MAPKAPK3: variants seen among roughly 807,000 people sequenced by gnomAD.
MAPKAPK3 encodes the protein MAPK activated protein kinase 3.
MAPKAPK3 carries 35 observed loss-of-function variants against 49.2 expected under a neutral mutation model. The ratio of observed to expected loss-of-function variants is 0.71; its 90% CI spans 0.54 to 0.94. MAPKAPK3 has a LOEUF of 0.94. Among genes scored for constraint, MAPKAPK3 ranks in the 40% least tolerant of loss-of-function variants. MAPKAPK3 has a pLI of 0.00. For synonymous variants in MAPKAPK3, 178 were observed against 188.7 expected (o/e 0.94, Z 0.46); for missense variants, 398 against 493.1 (o/e 0.81, Z 1.83).
intron 2 of MAPKAPK3, among the ~76,000 whole-genome samples, chr3:50,629,997 G>A (rs2032862827): frequency 6.6e-6 from 1 of 152,214 alleles, no homozygotes; most frequent in Non-Finnish European, 1.5e-5. Context: ...GGTGAGAAGT[G>A]GTCAGGTGGA....
chr3:50,640,274 A>G, intron 2 of MAPKAPK3, 92 bp from the exon 3 acceptor site: 3 of 1,249,358 alleles, frequency 2.4e-6, no homozygotes, highest in East Asian at 2.4e-5. Flanking sequence ...GACCTGGGGC[A>G]GGTCACAGGC....
chr3:50,615,419 GCATGTGTA>G (rs1351946661), upstream of MAPKAPK3, among the ~76,000 whole-genome samples: 2 of 152,236 alleles, frequency 1.3e-5, no homozygotes, highest in African/African-American at 4.8e-5. Context: ...AGGTGTGACT[GCATGTGTA>G]CATGTGTGAG....
intron 2 of MAPKAPK3, among the ~76,000 whole-genome samples, chr3:50,627,885 G>A (rs1172058742): frequency 6.6e-6 from 1 of 152,172 alleles, no homozygotes; most frequent in African/African-American, 2.4e-5. Context: ...CTACCCCTGG[G>A]AGGAGCCTGA....
intron 3 of MAPKAPK3, among the ~76,000 whole-genome samples, chr3:50,641,310 C>T (rs970785396): frequency 2.0e-5 from 3 of 152,142 alleles, no homozygotes; most frequent in Admixed American, 6.5e-5. Flanking sequence ...ACGTGGATCC[C>T]AGGGCATGGC....
chr3:50,643,849 T>C (rs1576014591), intron 5 of MAPKAPK3, among the ~76,000 whole-genome samples: 3 of 151,946 alleles, frequency 2.0e-5, no homozygotes, highest in African/African-American at 7.3e-5. Flanking sequence ...CTACCATTCA[T>C]TAAAAACCAG....
chr3:50,643,095 G>A (rs886745702), intron 5 of MAPKAPK3, among the ~76,000 whole-genome samples: 13 of 152,094 alleles, frequency 8.5e-5, no homozygotes, highest in Admixed American at 5.2e-4. Flanking sequence ...TAGGTAATCC[G>A]CCCGCCTCGG....
At chr3:50,622,493 T>G (rs545708718) in intron 2 of MAPKAPK3, among the ~76,000 whole-genome samples, 1 of 152,316 alleles carries the variant, frequency 6.6e-6, no homozygotes, top group Admixed American at 6.5e-5. Context: ...TACTCCCCTT[T>G]GATTCAAAGC....
At chr3:50,641,291 G>A (rs897079956) in intron 3 of MAPKAPK3, among the ~76,000 whole-genome samples, 4 of 152,158 alleles carry the variant, frequency 2.6e-5, no homozygotes, top group African/African-American at 4.8e-5. Context: ...ACACAACAGC[G>A]CTCATGAAAC....
upstream of MAPKAPK3, among the ~76,000 whole-genome samples, chr3:50,613,502 C>A (rs1479925964): frequency 6.6e-6 from 1 of 152,138 alleles, no homozygotes; most frequent in Non-Finnish European, 1.5e-5. Context: ...GGCTGGGATA[C>A]CTGGATAGCC....
intron 2 of MAPKAPK3, among the ~76,000 whole-genome samples, chr3:50,634,191 A>G: frequency 6.6e-6 from 1 of 152,202 alleles, no homozygotes; most frequent in East Asian, 1.9e-4. Flanking sequence ...CTCAAATTCA[A>G]TGCTTGTTGA....
intron 2 of MAPKAPK3, among the ~76,000 whole-genome samples, chr3:50,622,782 A>G (rs1295181567): frequency 1.3e-5 from 2 of 152,242 alleles, no homozygotes; most frequent in Non-Finnish European, 2.9e-5. Flanking sequence ...CCTGGGAGAA[A>G]GGAAATGCCC....
chr3:50,648,182 A>T lies in MAPKAPK3; in HGVS notation c.*136A>T. ...TGTTGTGTTTTAATTTGTCACTCGGAACTTCAGGATGGAGGACCCTGACCC... is the reference window on the plus strand; with the variant it reads ...TGTTGTGTTTTAATTTGTCACTCGGTACTTCAGGATGGAGGACCCTGACCC... On this transcript the variant is annotated 3_prime_UTR_variant, in exon 11 of 11. Coordinates refer to ENST00000621469, the MANE Select transcript of MAPKAPK3 (RefSeq NM_001243925.2). 1 of 960,346 alleles carries T rather than the reference A, an allele frequency of 1.0e-6. No individual in the cohort carries two copies. 59.5% of individuals were successfully genotyped at this position (960,346 alleles called of 1,614,324 possible). A position where few individuals can be genotyped will look rare whatever the true frequency, so the allele number is the denominator to read the frequency against.
rs2033349087 is a variant in MAPKAPK3 at position 50,648,112 on chromosome 3, T to C, written c.*66T>C. On this transcript the variant is annotated 3_prime_UTR_variant, in exon 11 of 11. Transcript: ENST00000621469. ...AACAGACTGAAATGTGCTCAGGCCC[T>C]GGCCAGGAGGGCCCAGGGTCATTCT... is the stretch of plus-strand genomic sequence containing the variant. 1 of 1,493,164 alleles carries C rather than the reference T, an allele frequency of 6.7e-7. No individual in the cohort carries two copies. The highest frequency in any genetic ancestry group is 9.1e-7 in the Non-Finnish European group (1 of 1,103,396). The allele number at this position is 1,493,164 out of a possible 1,614,324, so 92.5% of individuals were successfully genotyped here. A position where few individuals can be genotyped will look rare whatever the true frequency, so the allele number is the denominator to read the frequency against.
intron 5 of MAPKAPK3, 83 bp downstream of exon 5, chr3:50,642,415 C>G: frequency 9.9e-7 from 1 of 1,005,296 alleles, no homozygotes. Context: ...CCAGGACCCA[C>G]TGGATGGAGG....
At position 50,648,983 on chromosome 3, in the gene MAPKAPK3, C is replaced by G. The variant is rs972628260; in HGVS notation, c.*937C>G. The stretch of plus-strand genomic sequence containing the variant: ...GTGGCTTCCCATTAACCTGAGGTCT[C>G]TTTCTTTACTCTGGGTCAGACCTGA... On this transcript the variant is annotated 3_prime_UTR_variant, in exon 11 of 11. Coordinates refer to ENST00000621469, the MANE Select transcript of MAPKAPK3 (RefSeq NM_001243925.2). 2 of 152,256 alleles carry G rather than the reference C, an allele frequency of 1.3e-5. No homozygotes were observed. Among genetic ancestry groups the G allele is most frequent in the African/African-American group, 4.8e-5 (2 of 41,454 alleles). 9.4% of individuals were successfully genotyped at this position (152,256 alleles called of 1,614,324 possible). A position where few individuals can be genotyped will look rare whatever the true frequency, so the allele number is the denominator to read the frequency against.
intron 2 of MAPKAPK3, among the ~76,000 whole-genome samples, chr3:50,639,977 T>C (rs2033138454): frequency 1.3e-5 from 2 of 152,302 alleles, no homozygotes; most frequent in South Asian, 4.1e-4. Flanking sequence ...GTCATCCTTA[T>C]GGTAAAAATG....
exon 1 of MAPKAPK3, chr3:50,612,048 C>T (rs2032344779): frequency 4.6e-6 from 1 of 219,506 alleles, no homozygotes. Context: ...TGACCAATCG[C>T]GACGCTGAAG....
At chr3:50,612,377 G>A (rs1258468757), upstream of MAPKAPK3, 1 of 152,086 alleles carries the variant, frequency 6.6e-6, no homozygotes, top group African/African-American at 2.4e-5. Context: ...CTGGACCCTA[G>A]GACTCTGTGT....
rs562079621 is a variant in MAPKAPK3, at chr3:50,648,458, C to A, written c.*412C>A. ...GGCCTGGCCTTGAGAAAGGCATTGGCCATTGGTTGCCATGGTGACCAGGGA... is the reference window on the plus strand; with the variant it reads ...GGCCTGGCCTTGAGAAAGGCATTGGACATTGGTTGCCATGGTGACCAGGGA... On this transcript the variant is annotated 3_prime_UTR_variant, in exon 11 of 11. Coordinates refer to ENST00000621469, the MANE Select transcript of MAPKAPK3 (RefSeq NM_001243925.2). The A allele has an allele frequency of 1.2e-5, 2 of 160,106 alleles. No homozygotes were observed. Among genetic ancestry groups the A allele is most frequent in the African/African-American group, 4.8e-5 (2 of 41,762 alleles). The allele number at this position is 160,106 out of a possible 1,614,324, so 9.9% of individuals were successfully genotyped here.
Sources: allele counts gnomAD v4.1 joint callset (sites outside exome capture counted in the v4.1 genomes callset), GRCh38; gene constraint gnomAD v4.1.1; transcripts MANE v1.5; gene names NCBI Gene and HGNC (gene_info 2026-07-23, HGNC 2026-07-21).